Variants in CAMK4 observed in about 807,000 individuals in gnomAD.
CAMK4 encodes the protein calcium/calmodulin-dependent protein kinase type IV.
In CAMK4, 22 loss-of-function variants were observed where a neutral mutation model predicts 44.9. The observed-to-expected ratio is 0.49, with a 90% CI of 0.35 to 0.70. The LOEUF is 0.70. Ranked by LOEUF, CAMK4 falls within the 30% of genes least tolerant of loss-of-function variation. The pLI is 0.01. For synonymous variants in CAMK4, 218 were observed against 215.4 expected, an observed-to-expected ratio of 1.01 and a Z score of -0.11; for missense variants, 498 against 586.8, an observed-to-expected ratio of 0.85 and a Z score of 1.56.
At chr5:111,270,379 C>T (rs115058469) in intron 1 of CAMK4, among the ~76,000 whole-genome samples, 64 of 152,260 alleles carry the variant, frequency 4.2e-4, no homozygotes, top group African/African-American at 1.4e-3. Flanking sequence ...ACCTAGGTCA[C>T]ATTTTCTTTC....
intron 4 of CAMK4, among the ~76,000 whole-genome samples, chr5:111,378,622 CTT>C (rs1751302817): frequency 6.6e-6 from 1 of 152,050 alleles, no homozygotes; most frequent in Non-Finnish European, 1.5e-5. Flanking sequence ...TATTATTAGA[CTT>C]TAAACATTAT....
In CAMK4 at chr5:111,482,134, A is replaced by C. The variant is rs1456166006; in HGVS notation, c.829-651A>C. 1 of 152,108 alleles carries C rather than the reference A, an allele frequency of 6.6e-6. No homozygotes were observed. The highest frequency in any genetic ancestry group is 1.5e-5 in the Non-Finnish European group (1 of 68,036). The allele number at this position is 152,108 out of a possible 1,614,324, so 9.4% of individuals were successfully genotyped here. On this transcript the variant is annotated intron_variant, in intron 9 of 10. Coordinates refer to ENST00000282356, the MANE Select transcript of CAMK4 (RefSeq NM_001744.6). This position sits in a 1 kb window ranked among gnomAD's most constrained non-coding sequence, Gnocchi z 4.9. ...GGGAATTTATTGACTGCCCATCCTC[A>C]CAAGCAGGGGTAAACCTCCAAGAAT...
intron 2 of CAMK4, among the ~76,000 whole-genome samples, chr5:111,362,243 A>T (rs988930194): frequency 6.6e-6 from 1 of 152,080 alleles, no homozygotes; most frequent in East Asian, 1.9e-4. Context: ...TAAATGATCA[A>T]GCCAGGATTC....
chr5:111,364,355 A>G (rs377472825), intron 2 of CAMK4, among the ~76,000 whole-genome samples: 8 of 152,044 alleles, frequency 5.3e-5, no homozygotes, highest in South Asian at 4.2e-4. Context: ...GCTAAGCCCA[A>G]CCTCTTTCTG....
chr5:111,258,843 A>C (rs1749856692), intron 1 of CAMK4, among the ~76,000 whole-genome samples: 1 of 151,750 alleles, frequency 6.6e-6, no homozygotes, highest in South Asian at 2.1e-4. Flanking sequence ...TTTAACACTT[A>C]AGAAAAATCC....
At chr5:111,330,522 A>G (rs1000250055) in intron 1 of CAMK4, among the ~76,000 whole-genome samples, 6 of 151,496 alleles carry the variant, frequency 4.0e-5, no homozygotes, top group Non-Finnish European at 8.9e-5. Context: ...TTGTTTGGTA[A>G]ACATCAGTGA....
intron 7 of CAMK4, among the ~76,000 whole-genome samples, chr5:111,457,519 T>C (rs371493686): frequency 6.6e-6 from 1 of 152,236 alleles, no homozygotes; most frequent in African/African-American, 2.4e-5. Context: ...CTTGCCACAT[T>C]GCTACTTTGA....
chr5:111,257,388 T>C (rs1215021878), intron 1 of CAMK4, among the ~76,000 whole-genome samples: 1 of 152,222 alleles, frequency 6.6e-6, no homozygotes, highest in Non-Finnish European at 1.5e-5. Context: ...GACAAACATA[T>C]TTTAAAAAGC....
intron 1 of CAMK4, among the ~76,000 whole-genome samples, chr5:111,308,250 TA>T (rs1009074489): frequency 1.3e-4 from 19 of 141,468 alleles, no homozygotes; most frequent in Admixed American, 7.2e-4. Context: ...TAGAGTATAA[TA>T]AAAAAATAAA....
intron 5 of CAMK4, among the ~76,000 whole-genome samples, chr5:111,396,781 T>C (rs888215452): frequency 1.3e-5 from 2 of 151,582 alleles, no homozygotes; most frequent in Non-Finnish European, 2.9e-5. Context: ...GCTGGGACTA[T>C]AGGTGTGTGC....
intron 6 of CAMK4, among the ~76,000 whole-genome samples, chr5:111,448,161 C>T (rs1465754508): frequency 1.3e-5 from 2 of 152,130 alleles, no homozygotes; most frequent in Admixed American, 6.5e-5. Flanking sequence ...TATAGCTCAG[C>T]AAATAGTTCA....
At chr5:111,444,241 G>A (rs558278177) in intron 5 of CAMK4, among the ~76,000 whole-genome samples, 8 of 152,284 alleles carry the variant, frequency 5.3e-5, no homozygotes, top group African/African-American at 9.6e-5. Context: ...TACAGATTTC[G>A]TAGCCTCTTT....
intron 2 of CAMK4, among the ~76,000 whole-genome samples, chr5:111,356,589 C>T (rs1750366783): frequency 6.6e-6 from 1 of 152,318 alleles, no homozygotes; most frequent in Admixed American, 6.5e-5. Context: ...ATGCCTGTGT[C>T]CTGAATGGTA....
intron 4 of CAMK4, among the ~76,000 whole-genome samples, chr5:111,394,063 A>C (rs1055890000): frequency 6.6e-6 from 1 of 152,106 alleles, no homozygotes; most frequent in Non-Finnish European, 1.5e-5. Context: ...ACTCGTTAAA[A>C]AATAATAAGA....
chr5:111,351,479 C>T (rs1352247286), intron 2 of CAMK4, among the ~76,000 whole-genome samples: 1 of 151,136 alleles, frequency 6.6e-6, no homozygotes, highest in Non-Finnish European at 1.5e-5. Flanking sequence ...CATCTTGGCT[C>T]ACTGCAACCT....
intron 1 of CAMK4, among the ~76,000 whole-genome samples, chr5:111,281,267 G>A (rs1190738955): frequency 6.6e-5 from 10 of 152,150 alleles, no homozygotes; most frequent in Admixed American, 6.5e-4. Flanking sequence ...GCTCCTGGGG[G>A]CTTATCCTAA....
chr5:111,353,757 A>G (rs1261806384), intron 2 of CAMK4, among the ~76,000 whole-genome samples: 1 of 152,138 alleles, frequency 6.6e-6, no homozygotes, highest in African/African-American at 2.4e-5. Flanking sequence ...TTATGACAGC[A>G]TCAAAAACTT....
chr5:111,295,565 GCTCT>G (rs990874884), intron 1 of CAMK4, among the ~76,000 whole-genome samples: 1 of 152,160 alleles, frequency 6.6e-6, no homozygotes, highest in African/African-American at 2.4e-5. Context: ...GTCTGTAAAA[GCTCT>G]CTCTAATAAG....
intron 7 of CAMK4, chr5:111,449,500 G>A (rs1419424515): frequency 4.9e-6 from 1 of 203,738 alleles, no homozygotes; most frequent in Non-Finnish European, 9.8e-6. Flanking sequence ...AAACACCATC[G>A]TTTATAGTTG....
Sources: allele counts gnomAD v4.1 joint callset (sites outside exome capture counted in the v4.1 genomes callset), GRCh38; gene constraint gnomAD v4.1.1; non-coding constraint Gnocchi (gnomAD v3.1); transcripts MANE v1.5; gene names NCBI Gene and HGNC (gene_info 2026-07-23, HGNC 2026-07-21).